PTPRB: variants seen among roughly 807,000 people sequenced by gnomAD.
PTPRB encodes receptor-type tyrosine-protein phosphatase beta.
Under a neutral mutation model 238.1 loss-of-function variants are expected in PTPRB, and 97 were observed. The ratio of observed to expected loss-of-function variants is 0.41; its 90% CI spans 0.35 to 0.48. PTPRB has a LOEUF of 0.48. Ranked by LOEUF, PTPRB falls within the 20% of genes least tolerant of loss-of-function variation. The pLI is 0.30. For missense variants in PTPRB, 2,292 were observed against 2,681.9 expected, an observed-to-expected ratio of 0.85 and a Z score of 3.21; for synonymous variants, 970 against 995.4, an observed-to-expected ratio of 0.97 and a Z score of 0.48.
At chr12:70,534,444 C>T (rs752993279) in intron 31 of PTPRB, 44 bp downstream of exon 31, 8 of 1,593,226 alleles carry the variant, frequency 5.0e-6, no homozygotes, top group Non-Finnish European at 6.8e-6. Context: ...CAGGCACAAC[C>T]CCCTTATGGC....
At chr12:70,578,426 AG>A (rs1881021906) in intron 10 of PTPRB, among the ~76,000 whole-genome samples, 1 of 117,490 alleles carries the variant, frequency 8.5e-6, no homozygotes, top group Admixed American at 7.6e-5. Flanking sequence ...GCTTTACAGG[AG>A]TCTCCCATTT....
Position 70,566,512 on chromosome 12 carries a change from C to T in PTPRB, c.3827G>A (p.Gly1276Asp). Residue 1276 changes from glycine to aspartate, a missense_variant, in exon 15 of 34, where the codon GGC (glycine) becomes GAC (aspartate). Gly to Asp is a moderately conservative substitution (Grantham distance 94). Around this residue, in one of 4 missense-constraint regions of PTPRB, gnomAD observed 683 missense variants for 862.0 expected, o/e 0.79. Transcript: ENST00000334414. ...KQHKFEDLTPGKKYKIQILTV... is the reference protein window; with the variant it reads ...KQHKFEDLTPDKKYKIQILTV... ...TAGGATCTGTATCTTGTATTTCTTG[C>T]CTGGTGTTAGATCTTCAAATTTGTG... The T allele has an allele frequency of 6.2e-7, 1 of 1,613,982 alleles. No homozygotes were observed. Among genetic ancestry groups the T allele is most frequent in the Non-Finnish European group, 8.5e-7 (1 of 1,179,898 alleles).
At chr12:70,606,726 T>C (rs573097081) in intron 4 of PTPRB, among the ~76,000 whole-genome samples, 5 of 152,258 alleles carry the variant, frequency 3.3e-5, no homozygotes, top group Non-Finnish European at 7.3e-5. Flanking sequence ...ACTAGTACTT[T>C]GTATTAACTA....
intron 4 of PTPRB, among the ~76,000 whole-genome samples, chr12:70,606,518 T>A (rs1048703905): frequency 6.6e-6 from 1 of 152,234 alleles, no homozygotes; most frequent in African/African-American, 2.4e-5. Context: ...ATCCAAATCA[T>A]GTCTTGCTCT....
chr12:70,622,794 A>AGT (rs1885003806), intron 2 of PTPRB, 148 bp from the exon 3 acceptor site: 1 of 946,324 alleles, frequency 1.1e-6, no homozygotes, highest in African/African-American at 1.7e-5. Context: ...ATATACTTTG[A>AGT]GTGTGTGACA....
chr12:70,598,596 T>C lies in PTPRB; in HGVS notation c.980-2269A>G, dbSNP rs188692985. Among the ~76,000 whole-genome samples, 51 of 151,974 alleles carry C rather than the reference T, an allele frequency of 3.4e-4. 1 individual carries two copies. Among genetic ancestry groups the C allele is most frequent in the African/African-American group, 1.1e-3 (45 of 41,460 alleles). ...TGAAAAGTAACAAGATATAGAGGAG[T>C]CTATGAGATTCTAATAGCCAGTGAA... is the stretch of plus-strand genomic sequence containing the variant. On this transcript the variant is annotated intron_variant, in intron 4 of 33. Transcript: ENST00000334414.
chr12:70,637,019 A>G (rs947265935), intron 1 of PTPRB, among the ~76,000 whole-genome samples: 1 of 152,192 alleles, frequency 6.6e-6, no homozygotes, highest in Non-Finnish European at 1.5e-5. Flanking sequence ...CCGGGTCGGA[A>G]AAAGGCTTGG....
rs200020881 is a variant in PTPRB at position 70,571,111 on chromosome 12, G to A, written c.3285C>T (p.Ser1095=). Residue 1095 remains serine, a synonymous_variant, in exon 13 of 34, where the codon TCC becomes TCT. Coordinates refer to ENST00000334414, the MANE Select transcript of PTPRB (RefSeq NM_001109754.4). The stretch of plus-strand genomic sequence containing the variant: ...TTTTGTATTGGCGGCCTGGTGTTAG[G>A]GAAGTAAATCGATACTCGGTTGCGG... ...VNTATEYRFT[S]LTPGRQYKIL... is the part of the protein sequence containing the mutation. 80 of 1,613,938 alleles carry A rather than the reference G, an allele frequency of 5.0e-5. No individual in the cohort carries two copies. The East Asian group carries it at 1.6e-3, about 32-fold the overall frequency.
intron 23 of PTPRB, chr12:70,540,307 A>G (rs1874858446): frequency 9.8e-6 from 3 of 306,934 alleles, no homozygotes; most frequent in Non-Finnish European, 1.8e-5. Flanking sequence ...CTTTAAAAAA[A>G]TCCAGTAAAT....
Position 70,552,498 on chromosome 12 carries a change from A to AT in PTPRB, c.5387+278_5387+279insA, listed in dbSNP as rs71841648. On this transcript the variant is annotated intron_variant, in intron 21 of 33. Transcript: ENST00000334414. The stretch of plus-strand genomic sequence containing the variant: ...GACTCTGTCTCAAAAAAAAAAAAAA[A>AT]AATAATGAAAGTTGTAGAAGAAAGA... Among the ~76,000 whole-genome samples, 399 of 150,276 alleles carry AT rather than the reference A, an allele frequency of 2.7e-3. 3 individuals are homozygous for AT. Among genetic ancestry groups the AT allele is most frequent in the African/African-American group, 8.6e-3 (349 of 40,380 alleles).
At chr12:70,590,356 C>CCTCTTGAT (rs777136728) in intron 7 of PTPRB, 123 bp from the exon 8 acceptor site, 1 of 969,432 alleles carries the variant, frequency 1.0e-6, no homozygotes, top group Non-Finnish European at 1.5e-6. Flanking sequence ...ATTTCTATCC[C>CCTCTTGAT]CTCTTGATGT....
intron 28 of PTPRB, among the ~76,000 whole-genome samples, chr12:70,537,270 G>C (rs952568810): frequency 1.8e-5 from 2 of 112,642 alleles, no homozygotes; most frequent in Non-Finnish European, 3.3e-5. Context: ...CTGGCAGACA[G>C]AGCAAGACCA....
chr12:70,595,792 C>T (rs574291485), intron 5 of PTPRB, among the ~76,000 whole-genome samples: 1 of 152,148 alleles, frequency 6.6e-6, no homozygotes, highest in Non-Finnish European at 1.5e-5. Context: ...AGTATCCATT[C>T]CAAGTTGGAG....
chr12:70,564,915 C>T (rs1565950042), intron 15 of PTPRB, among the ~76,000 whole-genome samples: 1 of 150,692 alleles, frequency 6.6e-6, no homozygotes, highest in African/African-American at 2.4e-5. Context: ...TTGTAAGCCC[C>T]AACTCTTGCT....
chr12:70,606,104 G>C (rs769433992), intron 4 of PTPRB, among the ~76,000 whole-genome samples: 14 of 152,192 alleles, frequency 9.2e-5, no homozygotes, highest in Non-Finnish European at 1.8e-4. Context: ...ATGAGGCAGA[G>C]TAAAGTCCTC....
chr12:70,581,416 G>A (rs575773123), intron 9 of PTPRB, 114 bp from the exon 10 acceptor site: 4 of 1,124,684 alleles, frequency 3.6e-6, no homozygotes, highest in African/African-American at 3.2e-5. Context: ...TAATTTTTGT[G>A]TTGTTGCTAT....
intron 3 of PTPRB, among the ~76,000 whole-genome samples, chr12:70,617,212 G>A (rs2136565840): frequency 6.6e-6 from 1 of 152,322 alleles, no homozygotes; most frequent in South Asian, 2.1e-4. Context: ...TTTCAGGCTG[G>A]TGGGGTCCAG....
chr12:70,521,544 C>T (rs369488990), intron 33 of PTPRB, 33 bp from the exon 34 acceptor site: 74 of 1,511,232 alleles, frequency 4.9e-5, no homozygotes, highest in African/African-American at 1.1e-4. Flanking sequence ...TAGAGACTGC[C>T]GCAGGGTGTG....
chr12:70,564,858 TAA>T lies in PTPRB; in HGVS notation c.3904+1575_3904+1576del, dbSNP rs1879052824. ...CAAAAATAATAAATAATAATAATAA[TAA>T]TAATAATAATAATAATAATAATAAT... On this transcript the variant is annotated intron_variant, in intron 15 of 33. Transcript: ENST00000334414. Among the ~76,000 whole-genome samples, 6 of 92,146 alleles carry T rather than the reference TAA, an allele frequency of 6.5e-5. No homozygotes were observed. In the South Asian group the frequency reaches 2.2e-3, roughly 34 times the overall value. The allele number at this position is 92,146 out of a possible 152,430, so 60.5% of individuals were successfully genotyped here. A position where few individuals can be genotyped will look rare whatever the true frequency, so the allele number is the denominator to read the frequency against.
Sources: gnomAD v4.1 joint callset for allele counts (sites outside exome capture counted in the v4.1 genomes callset) on GRCh38, gnomAD v4.1.1 for gene constraint, gnomAD v4.1.1 regional missense constraint, MANE v1.5 for transcripts, NCBI Gene and HGNC (gene_info 2026-07-23, HGNC 2026-07-21) for gene names.